The following MMP7 variants were observed in gnomAD, a reference collection of about 807,000 sequenced individuals.
MMP7 encodes the protein matrilysin.
A neutral mutation model predicts 31.5 loss-of-function variants in MMP7; 26 were observed. The ratio of observed to expected loss-of-function variants is 0.83; its 90% CI spans 0.61 to 1.15. The LOEUF is 1.15. Ranked by LOEUF, MMP7 falls within the 50% of genes most tolerant of loss-of-function variation. The pLI, the probability that MMP7 is intolerant of heterozygous loss-of-function variation, is 0.00. For synonymous variants in MMP7, 142 were observed against 124.2 expected (o/e 1.14, Z -0.95); for missense variants, 367 against 326.5 (o/e 1.12, Z -0.96).
rs1565375887 is a variant in MMP7, at chr11:102,526,242, T to TA, written c.485-1179_485-1178insT. On this transcript the variant is annotated intron_variant, in intron 3 of 5. Coordinates refer to ENST00000260227, the MANE Select transcript of MMP7 (RefSeq NM_002423.5). Reference sequence around the variant, plus strand: ...AAAAAAAAAATATATATATATATATTTTTTTTTTTTCTTTTGAGACATAGT... The same window carrying TA: ...AAAAAAAAAATATATATATATATATTATTTTTTTTTTCTTTTGAGACATAGT... Among the ~76,000 whole-genome samples the TA allele has an allele frequency of 8.4e-4, 98 of 116,606 alleles. No individual in the cohort carries two copies. In the East Asian group the frequency reaches 8.4e-3, roughly 10 times the overall value. The allele number at this position is 116,606 out of a possible 152,430, so 76.5% of individuals were successfully genotyped here.
At chr11:102,530,262 T>C (rs1329036789) in intron 1 of MMP7, among the ~76,000 whole-genome samples, 5 of 152,230 alleles carry the variant, frequency 3.3e-5, no homozygotes, top group African/African-American at 1.2e-4. Context: ...AGGTATTGTG[T>C]TGAATGCTTC....
chr11:102,525,329 C>T (rs1025777888), intron 3 of MMP7, among the ~76,000 whole-genome samples: 1 of 151,950 alleles, frequency 6.6e-6, no homozygotes, highest in Non-Finnish European at 1.5e-5. Flanking sequence ...GTAATCCCAG[C>T]TACTTGGGAG....
At chr11:102,525,804 G>A (rs1257914262) in intron 3 of MMP7, among the ~76,000 whole-genome samples, 1 of 141,686 alleles carries the variant, frequency 7.1e-6, no homozygotes, top group Non-Finnish European at 1.5e-5. Flanking sequence ...CTTATTCTTC[G>A]TGGGCATAGT....
intron 4 of MMP7, 118 bp downstream of exon 4, chr11:102,524,818 A>G (rs1469929954): frequency 3.6e-6 from 4 of 1,119,328 alleles, no homozygotes; most frequent in Non-Finnish European, 4.8e-6. Context: ...CATATAGTAC[A>G]GTGTTTGGCA....
At chr11:102,526,100 A>G (rs1488407265) in intron 3 of MMP7, among the ~76,000 whole-genome samples, 3 of 151,798 alleles carry the variant, frequency 2.0e-5, no homozygotes, top group African/African-American at 7.3e-5. Flanking sequence ...ACCATGAAAC[A>G]CTAGCAATTA....
chr11:102,521,607 A>G (rs1858614457), intron 5 of MMP7, among the ~76,000 whole-genome samples: 1 of 152,170 alleles, frequency 6.6e-6, no homozygotes, highest in Admixed American at 6.5e-5. Flanking sequence ...CCCTACATAT[A>G]CAGCCCACAT....
intron 5 of MMP7, 24 bp downstream of exon 5, chr11:102,523,216 C>T: frequency 1.3e-6 from 2 of 1,548,762 alleles, no homozygotes; most frequent in South Asian, 2.4e-5. Context: ...GGGAAATCCT[C>T]TTATTTGAAA....
chr11:102,523,405 C>T lies in MMP7; in HGVS notation c.614-4G>A. 1 of 1,581,750 alleles carries T rather than the reference C, an allele frequency of 6.3e-7. No individual in the cohort carries two copies. Among genetic ancestry groups the T allele is most frequent in the Non-Finnish European group, 8.6e-7 (1 of 1,163,680 alleles). ...GCAGCATACAGGAAGTTAATCCCTA[C>T]AACCGAAGAAGTGACAAACAGTAAT... is the stretch of plus-strand genomic sequence containing the variant. On this transcript the variant is annotated splice_polypyrimidine_tract_variant and splice_region_variant and intron_variant, in intron 4 of 5. Transcript: ENST00000260227.
chr11:102,524,541 T>C (rs1239669590), intron 4 of MMP7: 1 of 152,668 alleles, frequency 6.6e-6, no homozygotes, highest in Non-Finnish European at 1.5e-5. Context: ...GAAAGAGCTA[T>C]AATTTAATTA....
intron 1 of MMP7, among the ~76,000 whole-genome samples, chr11:102,530,220 T>A (rs902047087): frequency 6.6e-6 from 1 of 152,182 alleles, no homozygotes. Context: ...TTATAATAAA[T>A]AAAAATAAGA....
intron 5 of MMP7, among the ~76,000 whole-genome samples, chr11:102,522,758 T>G (rs949978113): frequency 3.9e-5 from 6 of 152,196 alleles, no homozygotes; most frequent in African/African-American, 7.2e-5. Context: ...TACATAAGTA[T>G]CAAGACCAGG....
chr11:102,529,701 A>G (rs924149650), intron 1 of MMP7, among the ~76,000 whole-genome samples: 1 of 152,210 alleles, frequency 6.6e-6, no homozygotes, highest in Non-Finnish European at 1.5e-5. Context: ...TCATCCCATT[A>G]GTTAACCAAA....
At chr11:102,523,518 C>T in intron 4 of MMP7, 117 bp from the exon 5 acceptor site, 1 of 819,150 alleles carries the variant, frequency 1.2e-6, no homozygotes, top group South Asian at 4.5e-5. Flanking sequence ...AGTTTTAGCC[C>T]ACGGTAGCTT....
In MMP7 at chr11:102,525,139, C is replaced by T. The variant is rs533207345; in HGVS notation, c.485-75G>A. ...CAGTCATTTTATTTTTCAGTTTATA[C>T]GATTATTGAGGCTAGAAAAAGCAGC... is the stretch of plus-strand genomic sequence containing the variant. On this transcript the variant is annotated intron_variant, in intron 3 of 5. Transcript: ENST00000260227. 77 of 1,522,784 alleles carry T rather than the reference C, an allele frequency of 5.1e-5. 1 individual carries two copies. The highest frequency in any genetic ancestry group is 3.5e-4 in the African/African-American group (25 of 71,604). 94.3% of individuals were successfully genotyped at this position (1,522,784 alleles called of 1,614,324 possible). A position where few individuals can be genotyped will look rare whatever the true frequency, so the allele number is the denominator to read the frequency against.
chr11:102,521,855 A>G (rs1168580770), intron 5 of MMP7, among the ~76,000 whole-genome samples: 6 of 152,148 alleles, frequency 3.9e-5, no homozygotes, highest in African/African-American at 1.4e-4. Flanking sequence ...GGAGGATAGT[A>G]TTTTCAGTTT....
intron 3 of MMP7, chr11:102,527,026 A>G (rs912064786): frequency 5.9e-6 from 1 of 170,930 alleles, no homozygotes; most frequent in African/African-American, 2.4e-5. Context: ...AGTGTATTCT[A>G]TGATGTTAGC....
chr11:102,521,451 C>G (rs17878250), intron 5 of MMP7, among the ~76,000 whole-genome samples: 5 of 152,318 alleles, frequency 3.3e-5, no homozygotes, highest in Non-Finnish European at 5.9e-5. Flanking sequence ...CCACCTTGGC[C>G]TCCCGAAGTG....
At chr11:102,527,466 T>A in intron 3 of MMP7, 58 bp downstream of exon 3, 1 of 1,602,938 alleles carries the variant, frequency 6.2e-7, no homozygotes. Flanking sequence ...AGAGCACTGA[T>A]ATAAACCATG....
chr11:102,521,928 C>T (rs1025069452), intron 5 of MMP7, among the ~76,000 whole-genome samples: 3 of 152,176 alleles, frequency 2.0e-5, no homozygotes, highest in African/African-American at 7.2e-5. Context: ...AGCAGTGGTT[C>T]TTTACGTCGT....
Sources: allele counts gnomAD v4.1 joint callset (sites outside exome capture counted in the v4.1 genomes callset), GRCh38; gene constraint gnomAD v4.1.1; transcripts MANE v1.5; gene names NCBI Gene and HGNC (gene_info 2026-07-23, HGNC 2026-07-21).